Variants in BRAP observed in about 807,000 individuals in gnomAD.
BRAP encodes the protein BRCA1 associated protein, also known as BRCA1-associated protein.
BRAP carries 42 observed loss-of-function variants against 73.4 expected under a neutral mutation model. The ratio of observed to expected loss-of-function variants is 0.57; its 90% confidence interval spans 0.45 to 0.74. BRAP has a LOEUF of 0.74. Among genes scored for constraint, BRAP ranks in the 30% least tolerant of loss-of-function variants. BRAP has a pLI of 0.00. For missense variants in BRAP, 593 were observed against 751.4 expected (o/e 0.79, Z 2.46); for synonymous variants, 255 against 267.4 (o/e 0.95, Z 0.45).
At position 111,644,381 on chromosome 12, in the gene BRAP, G is replaced by C. The variant is rs1384766464; in HGVS notation, c.1597C>G (p.Leu533Val). The C allele has an allele frequency of 6.2e-7, 1 of 1,614,060 alleles. No individual in the cohort carries two copies. ...TCCAGGTAGAACATGACGTCACGCA[G>C]CTGCTCCTGGATCTCGGTGATCTGC... ...DLQITEIQEQ[L>V]RDVMFYLETQ... Residue 533 changes from leucine (L) to valine (V), a missense_variant, in exon 12 of 12, where the codon CTG (leucine) becomes GTG (valine). Around this residue, in one of 4 missense-constraint regions of BRAP, gnomAD observed 143 missense variants for 190.4 expected, o/e 0.75. Coordinates refer to ENST00000419234, the MANE Select transcript of BRAP (RefSeq NM_006768.5).
Position 111,674,259 on chromosome 12 carries a change from T to C in BRAP, c.634-1485A>G, listed in dbSNP as rs1236682717. Among the ~76,000 whole-genome samples the C allele has an allele frequency of 4.6e-5, 7 of 152,168 alleles. No homozygotes were observed. In the East Asian group the frequency reaches 1.3e-3, roughly 29 times the overall value. ...TATGCTTCCCCCCCACCTTTTTTTT[T>C]TGAGATGGTGTCTCGCTTTGTCACC... On this transcript the variant is annotated intron_variant, in intron 4 of 11. Transcript: ENST00000419234.
intron 6 of BRAP, among the ~76,000 whole-genome samples, chr12:111,661,463 G>C (rs142038347): frequency 6.6e-6 from 1 of 151,940 alleles, no homozygotes; most frequent in African/African-American, 2.4e-5. Flanking sequence ...ATTTTTAGTA[G>C]AGACGGGGTT....
At chr12:111,671,377 C>A (rs1032040141) in intron 5 of BRAP, among the ~76,000 whole-genome samples, 2 of 151,738 alleles carry the variant, frequency 1.3e-5, no homozygotes, top group Non-Finnish European at 2.9e-5. Context: ...TGGTGAAACC[C>A]CATCTCCACT....
chr12:111,653,953 C>T (rs1301045885), intron 10 of BRAP, among the ~76,000 whole-genome samples: 1 of 152,152 alleles, frequency 6.6e-6, no homozygotes, highest in Admixed American at 6.6e-5. Flanking sequence ...GTTTTCCTGC[C>T]CCTTGACTTG....
intron 5 of BRAP, chr12:111,670,068 G>T: frequency 1.6e-6 from 1 of 626,646 alleles, no homozygotes; most frequent in Non-Finnish European, 3.1e-6. Flanking sequence ...TCCTGAAAAA[G>T]TGCTTGGAGC....
chr12:111,657,097 G>A (rs541325804), intron 9 of BRAP, among the ~76,000 whole-genome samples: 1 of 152,124 alleles, frequency 6.6e-6, no homozygotes, highest in South Asian at 2.1e-4. Flanking sequence ...AGGCTGGAGT[G>A]CAATGGCGCC....
At chr12:111,683,572 A>T (rs1378571276) in intron 1 of BRAP, among the ~76,000 whole-genome samples, 2 of 151,888 alleles carry the variant, frequency 1.3e-5, no homozygotes, top group Non-Finnish European at 2.9e-5. Context: ...ACAGAGTCTC[A>T]CTCTGTCACC....
chr12:111,683,096 C>A, intron 2 of BRAP, 50 bp downstream of exon 2: 1 of 1,564,194 alleles, frequency 6.4e-7, no homozygotes, highest in South Asian at 1.2e-5. Context: ...ATAAAATAGG[C>A]AACCAGTGTT....
intron 6 of BRAP, among the ~76,000 whole-genome samples, chr12:111,664,680 G>A (rs1021852715): frequency 6.6e-5 from 10 of 152,174 alleles, no homozygotes; most frequent in African/African-American, 2.2e-4. Flanking sequence ...CATGGCCCCC[G>A]CTCTGTGAAG....
At chr12:111,669,483 C>A (rs1442005676) in intron 5 of BRAP, among the ~76,000 whole-genome samples, 1 of 152,130 alleles carries the variant, frequency 6.6e-6, no homozygotes, top group East Asian at 1.9e-4. Flanking sequence ...GCCTTCGCCT[C>A]CCGAAGTGCT....
intron 1 of BRAP, among the ~76,000 whole-genome samples, chr12:111,684,309 T>C (rs1019437002): frequency 9.2e-5 from 14 of 152,272 alleles, no homozygotes; most frequent in Admixed American, 3.9e-4. Context: ...CTAATATCAA[T>C]TTAGCTGACT....
At position 111,683,296 on chromosome 12, in the gene BRAP, A is replaced by G. The variant is rs1229518719; in HGVS notation, c.94T>C (p.Ser32Pro). The change falls in exon 2 of 12, where the codon TCT (serine) becomes CCT (proline). Residue 32 changes from serine (S) to proline (P), a missense_variant. Physicochemically the swap from Ser to Pro is moderately conservative, Grantham distance 74. Coordinates refer to ENST00000419234, the MANE Select transcript of BRAP (RefSeq NM_006768.5). ...GTCGTCTTTTTTATCTCCTCATCAG[A>G]CATTTCCCCGGCTAAAGAACACATG... ...FGFSAAAGEM[S>P]DEEIKKTTLA... 3 of 1,609,814 alleles carry G rather than the reference A, an allele frequency of 1.9e-6. No homozygotes were observed. The African/African-American group carries it at 4.0e-5, about 22-fold the overall frequency.
At chr12:111,678,433 T>G (rs949620051) in intron 4 of BRAP, among the ~76,000 whole-genome samples, 1 of 149,434 alleles carries the variant, frequency 6.7e-6, no homozygotes, top group African/African-American at 2.5e-5. Context: ...CTGAGGCGGG[T>G]GGATCACAAG....
In BRAP at chr12:111,665,104, G is replaced by A. The variant is rs1184862574; in HGVS notation, c.896+535C>T. On this transcript the variant is annotated intron_variant, in intron 6 of 11. Transcript: ENST00000419234. The surrounding 1 kb of genome is among the most constrained non-coding windows in gnomAD (Gnocchi z 4.3). The stretch of plus-strand genomic sequence containing the variant: ...ATTTAGGGGGTAAAAAAAAGGTACA[G>A]GCCTTACCTGTTCTTTGTCTGTAGC... Among the ~76,000 whole-genome samples the A allele has an allele frequency of 6.6e-6, 1 of 152,152 alleles. No individual in the cohort carries two copies. The highest frequency in any genetic ancestry group is 1.5e-5 in the Non-Finnish European group (1 of 68,026).
chr12:111,674,511 A>C (rs1592993218), intron 4 of BRAP, among the ~76,000 whole-genome samples: 1 of 152,148 alleles, frequency 6.6e-6, no homozygotes, highest in African/African-American at 2.4e-5. Flanking sequence ...CCAAAGTGTT[A>C]GGATTACAGG....
chr12:111,664,233 G>A (rs1886852701), intron 6 of BRAP, among the ~76,000 whole-genome samples: 1 of 152,166 alleles, frequency 6.6e-6, no homozygotes, highest in African/African-American at 2.4e-5. Flanking sequence ...TTGGGAAGCT[G>A]AGGCGAGAGG....
Position 111,660,673 on chromosome 12 carries a change from CA to C in BRAP, c.898del (p.Cys300ValfsTer13). The C allele has an allele frequency of 6.2e-7, 1 of 1,604,418 alleles. No homozygotes were observed. Among genetic ancestry groups the C allele is most frequent in the South Asian group, 1.1e-5 (1 of 89,546 alleles). On this transcript the variant is annotated frameshift_variant and splice_region_variant, in exon 7 of 12. Coordinates refer to ENST00000419234, the MANE Select transcript of BRAP (RefSeq NM_006768.5). LOFTEE classifies it high-confidence loss of function. ...CGTTTGACAGTACCGGCAAACAGGA[CA>C]CCTATCCAGGACACCAAAAGATAAT... is the stretch of plus-strand genomic sequence containing the variant. ...QCLQRWDDTT[C>X]PVCRYCQTPE...
Position 111,683,285 on chromosome 12 carries a change from C to G in BRAP, c.105G>C (p.Glu35Asp). ...CTGAGGCTAGTGTCGTCTTTTTTAT[C>G]TCCTCATCAGACATTTCCCCGGCTA... is the stretch of plus-strand genomic sequence containing the variant. ...SAAAGEMSDE[E>D]IKKTTLASAV... Residue 35 changes from glutamate (E) to aspartate (D), a missense_variant, in exon 2 of 12, where the codon GAG (glutamate) becomes GAC (aspartate). By Grantham distance (45) the Glu-to-Asp change is conservative. Coordinates refer to ENST00000419234, the MANE Select transcript of BRAP (RefSeq NM_006768.5). 6.2e-7 allele frequency: 1 copy of G among 1,611,688 alleles called. No individual in the cohort carries two copies. The highest frequency in any genetic ancestry group is 1.7e-5 in the Admixed American group (1 of 59,300).
chr12:111,642,622 CTAG>C lies in BRAP; in HGVS notation c.*1574_*1576del, dbSNP rs1410988894. ...CTTGGCCAAAACAGCAGGATTCTAACTAGTGTAAAAATAGATTTTAAATAAAAT... is the reference window on the plus strand; with the variant it reads ...CTTGGCCAAAACAGCAGGATTCTAACTGTAAAAATAGATTTTAAATAAAAT... On this transcript the variant is annotated 3_prime_UTR_variant, in exon 12 of 12. Transcript: ENST00000419234. 1 of 152,102 alleles carries C rather than the reference CTAG, an allele frequency of 6.6e-6. No homozygotes were observed. The highest frequency in any genetic ancestry group is 2.4e-5 in the African/African-American group (1 of 41,418). The allele number at this position is 152,102 out of a possible 1,614,324, so 9.4% of individuals were successfully genotyped here.
Sources: gnomAD v4.1 joint callset for allele counts (sites outside exome capture counted in the v4.1 genomes callset) on GRCh38, gnomAD v4.1.1 for gene constraint, gnomAD v4.1.1 regional missense constraint, Gnocchi (gnomAD v3.1) non-coding constraint, MANE v1.5 for transcripts, NCBI Gene and HGNC (gene_info 2026-07-23, HGNC 2026-07-21) for gene names.